Variants in GPC6 observed in about 807,000 individuals in gnomAD.
GPC6 encodes the protein glypican 6.
GPC6 carries 14 observed loss-of-function variants against 55.2 expected under a neutral mutation model. That is an observed-to-expected ratio of 0.25 (90% CI 0.17 to 0.40). GPC6 has a LOEUF of 0.40. Among genes scored for constraint, GPC6 ranks in the 10% least tolerant of loss-of-function variants. The pLI, the probability that GPC6 is intolerant of heterozygous loss-of-function variation, is 1.00. For missense variants in GPC6, 641 were observed against 708.5 expected (o/e 0.90, Z 1.08); for synonymous variants, 278 against 259.6 (o/e 1.07, Z -0.68).
At chr13:93,581,487 T>G (rs1318262131) in intron 2 of GPC6, among the ~76,000 whole-genome samples, 1 of 152,160 alleles carries the variant, frequency 6.6e-6, no homozygotes, top group Non-Finnish European at 1.5e-5. Flanking sequence ...GCAGGTAGAT[T>G]GCTTGAGTAC....
intron 2 of GPC6, among the ~76,000 whole-genome samples, chr13:93,656,264 G>T (rs573810316): frequency 1.1e-4 from 17 of 152,204 alleles, no homozygotes; most frequent in African/African-American, 3.9e-4. Context: ...AGACAAGAAA[G>T]TCATCAAATA....
intron 2 of GPC6, among the ~76,000 whole-genome samples, chr13:93,740,087 G>T (rs1884150037): frequency 6.6e-6 from 1 of 152,064 alleles, no homozygotes; most frequent in African/African-American, 2.4e-5. Context: ...AATTACAAAT[G>T]ATCTAAGTCA....
At chr13:94,257,579 C>T (rs954573986) in intron 4 of GPC6, among the ~76,000 whole-genome samples, 3 of 152,132 alleles carry the variant, frequency 2.0e-5, no homozygotes, top group Non-Finnish European at 4.4e-5. Context: ...CTAGTATTCC[C>T]TCATCACCAA....
chr13:93,790,459 C>T (rs927971165), intron 2 of GPC6, among the ~76,000 whole-genome samples: 10 of 152,070 alleles, frequency 6.6e-5, no homozygotes, highest in African/African-American at 2.4e-4. Flanking sequence ...TAGAAGGAAA[C>T]TCTTAGGTTT....
At chr13:93,600,907 A>G (rs534413839) in intron 2 of GPC6, among the ~76,000 whole-genome samples, 1 of 140,944 alleles carries the variant, frequency 7.1e-6, no homozygotes, top group Admixed American at 7.5e-5. Flanking sequence ...CCGAGATCAC[A>G]CCATGGCACT....
chr13:93,511,001 A>ATG (rs1880946933), intron 1 of GPC6, among the ~76,000 whole-genome samples: 4 of 51,970 alleles, frequency 7.7e-5, no homozygotes, highest in African/African-American at 1.8e-4. Context: ...ATATATATAT[A>ATG]TATATTCATG....
intron 1 of GPC6, among the ~76,000 whole-genome samples, chr13:93,252,630 A>G (rs1392569632): frequency 1.3e-5 from 2 of 152,112 alleles, no homozygotes; most frequent in East Asian, 3.9e-4. Flanking sequence ...TTCTACTCTT[A>G]TATTTTCTTG....
chr13:93,499,979 T>A (rs1274870161), intron 1 of GPC6, among the ~76,000 whole-genome samples: 4 of 152,198 alleles, frequency 2.6e-5, no homozygotes, highest in African/African-American at 9.7e-5. Context: ...AATGACAATC[T>A]TACACACTCT....
chr13:93,736,833 C>T (rs1419724127), intron 2 of GPC6, among the ~76,000 whole-genome samples: 1 of 152,096 alleles, frequency 6.6e-6, no homozygotes, highest in Admixed American at 6.6e-5. Context: ...TTATGACATT[C>T]ACAAAATACA....
intron 4 of GPC6, among the ~76,000 whole-genome samples, chr13:94,110,490 T>C (rs1299436320): frequency 1.3e-5 from 2 of 151,892 alleles, no homozygotes; most frequent in African/African-American, 2.4e-5. Context: ...AGTAGAACAG[T>C]AGGAGAAAGA....
intron 4 of GPC6, among the ~76,000 whole-genome samples, chr13:94,211,525 T>C (rs1179751874): frequency 6.6e-6 from 1 of 152,090 alleles, no homozygotes; most frequent in African/African-American, 2.4e-5. Flanking sequence ...ACATTTGGAG[T>C]GAGAGGATGA....
intron 2 of GPC6, among the ~76,000 whole-genome samples, chr13:93,576,917 T>C (rs1161653372): frequency 6.6e-6 from 1 of 152,176 alleles, no homozygotes; most frequent in African/African-American, 2.4e-5. Flanking sequence ...TTTTGTATCA[T>C]GTCTTATGAT....
At chr13:94,225,197 T>G (rs1353418369) in intron 4 of GPC6, among the ~76,000 whole-genome samples, 6 of 152,268 alleles carry the variant, frequency 3.9e-5, no homozygotes, top group Admixed American at 3.3e-4. Context: ...AAGATTAATT[T>G]TTTTCCTCAA....
At chr13:93,392,633 G>T (rs1875675137) in intron 1 of GPC6, among the ~76,000 whole-genome samples, 1 of 152,216 alleles carries the variant, frequency 6.6e-6, no homozygotes, top group Admixed American at 6.5e-5. Context: ...GAACCAGACG[G>T]CCAGGGAGAG....
chr13:93,511,542 C>G (rs1880974783), intron 1 of GPC6, among the ~76,000 whole-genome samples: 1 of 151,780 alleles, frequency 6.6e-6, no homozygotes, highest in Non-Finnish European at 1.5e-5. Flanking sequence ...TGTGTATCTA[C>G]TTTTTTCCAA....
At chr13:93,413,165 G>T (rs1876575489) in intron 1 of GPC6, among the ~76,000 whole-genome samples, 2 of 152,142 alleles carry the variant, frequency 1.3e-5, no homozygotes, top group Admixed American at 1.3e-4. Context: ...AAAACCATTA[G>T]TGTTGATTTG....
At chr13:93,674,273 T>G (rs1458732943) in intron 2 of GPC6, among the ~76,000 whole-genome samples, 1 of 152,172 alleles carries the variant, frequency 6.6e-6, no homozygotes, top group Non-Finnish European at 1.5e-5. Context: ...ATAATAGAAT[T>G]GTCTCACAGA....
chr13:94,218,875 C>T (rs1404147388), intron 4 of GPC6, among the ~76,000 whole-genome samples: 3 of 152,038 alleles, frequency 2.0e-5, no homozygotes, highest in African/African-American at 7.2e-5. Context: ...TTCTAGACTT[C>T]GTATTTTTAT....
intron 4 of GPC6, among the ~76,000 whole-genome samples, chr13:94,095,393 C>A (rs901112428): frequency 1.3e-5 from 2 of 152,042 alleles, no homozygotes; most frequent in African/African-American, 4.8e-5. Context: ...TCTCTAGTAG[C>A]CACATTAAGA....
Sources: allele counts gnomAD v4.1 joint callset (sites outside exome capture counted in the v4.1 genomes callset), GRCh38; gene constraint gnomAD v4.1.1; transcripts MANE v1.5; gene names NCBI Gene and HGNC (gene_info 2026-07-23, HGNC 2026-07-21).